Variants in TRABD2B observed in about 807,000 individuals in gnomAD.
TRABD2B encodes TraB domain containing 2B.
TRABD2B carries 14 observed loss-of-function variants against 40.1 expected under a neutral mutation model. The ratio of observed to expected loss-of-function variants is 0.35; its 90% CI spans 0.23 to 0.55. The LOEUF (loss-of-function observed/expected upper bound fraction) is 0.55, where lower values mean the gene tolerates loss of function less well. TRABD2B is among the 20% of genes least tolerant of loss of function. TRABD2B has a pLI of 0.90. For synonymous variants in TRABD2B, 263 were observed against 277.0 expected, an observed-to-expected ratio of 0.95 and a Z score of 0.50; for missense variants, 541 against 648.6, an observed-to-expected ratio of 0.83 and a Z score of 1.80.
At chr1:47,908,395 C>A (rs1450191461) in intron 2 of TRABD2B, among the ~76,000 whole-genome samples, 2 of 152,084 alleles carry the variant, frequency 1.3e-5, no homozygotes. Flanking sequence ...ATTTTGCAAT[C>A]AGATAATTGA....
At chr1:47,874,735 T>C (rs939391769) in intron 2 of TRABD2B, among the ~76,000 whole-genome samples, 2 of 148,038 alleles carry the variant, frequency 1.4e-5, no homozygotes, top group Non-Finnish European at 3.0e-5. Flanking sequence ...GCCTGGCTAA[T>C]ATATATATAT....
At chr1:47,938,951 CAGAG>C (rs1645150077) in intron 2 of TRABD2B, among the ~76,000 whole-genome samples, 2 of 151,682 alleles carry the variant, frequency 1.3e-5, no homozygotes, top group South Asian at 2.1e-4. Context: ...GAGACAGAGA[CAGAG>C]ACAGAGAGGG....
At chr1:47,872,936 A>G (rs1251406021) in intron 2 of TRABD2B, among the ~76,000 whole-genome samples, 1 of 152,110 alleles carries the variant, frequency 6.6e-6, no homozygotes, top group Non-Finnish European at 1.5e-5. Flanking sequence ...AAATTTATAA[A>G]CAATAGGATT....
rs1226259473 is a variant in TRABD2B at position 47,779,449 on chromosome 1, C to T, written c.989-905G>A. Among the ~76,000 whole-genome samples the T allele has an allele frequency of 5.3e-5, 8 of 152,292 alleles. No individual in the cohort carries two copies. In the East Asian group the frequency reaches 1.5e-3, roughly 29 times the overall value. On this transcript the variant is annotated intron_variant, in intron 4 of 6. Transcript: ENST00000606738. ...TCTGTGGTCAGTTCTGCACTAGGAA[C>T]GATGAATACAGAAATGGGCAATTTA...
At chr1:47,853,782 T>G (rs1643864107) in intron 2 of TRABD2B, among the ~76,000 whole-genome samples, 1 of 152,226 alleles carries the variant, frequency 6.6e-6, no homozygotes, top group Non-Finnish European at 1.5e-5. Context: ...TAAGCCCCTC[T>G]GGCCTAGAAA....
intron 2 of TRABD2B, among the ~76,000 whole-genome samples, chr1:47,957,250 G>A (rs1570364771): frequency 6.6e-6 from 1 of 152,164 alleles, no homozygotes; most frequent in Non-Finnish European, 1.5e-5. Context: ...TCACAAAGAT[G>A]GGGAGAAACC....
chr1:47,791,693 C>T (rs191768547), intron 4 of TRABD2B, among the ~76,000 whole-genome samples: 6 of 152,142 alleles, frequency 3.9e-5, no homozygotes, highest in African/African-American at 9.7e-5. Context: ...CAGCTCTGCA[C>T]GTAAGTCAGC....
intron 2 of TRABD2B, among the ~76,000 whole-genome samples, chr1:47,894,422 G>A (rs1644490103): frequency 6.6e-6 from 1 of 152,182 alleles, no homozygotes; most frequent in Non-Finnish European, 1.5e-5. Flanking sequence ...TATTCTTATA[G>A]CAGTGAACAC....
intron 4 of TRABD2B, among the ~76,000 whole-genome samples, chr1:47,789,909 A>G (rs1197554470): frequency 2.0e-5 from 3 of 151,390 alleles, no homozygotes; most frequent in Non-Finnish European, 2.9e-5. Flanking sequence ...TCTCTTCCTC[A>G]TATTTCAAGC....
At chr1:47,824,716 T>A (rs1645152745) in intron 2 of TRABD2B, among the ~76,000 whole-genome samples, 1 of 152,256 alleles carries the variant, frequency 6.6e-6, no homozygotes, top group Non-Finnish European at 1.5e-5. Context: ...GAGGGTGACA[T>A]TCGAGGCTCC....
chr1:47,950,852 A>G (rs1199198752), intron 2 of TRABD2B, among the ~76,000 whole-genome samples: 1 of 152,208 alleles, frequency 6.6e-6, no homozygotes, highest in Non-Finnish European at 1.5e-5. Context: ...TTTTATCTGC[A>G]AAAAGGCAAT....
intron 2 of TRABD2B, among the ~76,000 whole-genome samples, chr1:47,896,247 G>A (rs764291030): frequency 1.3e-5 from 2 of 152,360 alleles, no homozygotes; most frequent in South Asian, 2.1e-4. Flanking sequence ...GGAAGCCAGC[G>A]GAGGCTTGGC....
intron 2 of TRABD2B, among the ~76,000 whole-genome samples, chr1:47,976,543 C>T (rs1344651364): frequency 6.6e-6 from 1 of 152,114 alleles, no homozygotes; most frequent in African/African-American, 2.4e-5. Flanking sequence ...ATGGAGCTAG[C>T]ATTGTAGTGA....
chr1:47,964,395 T>A (rs1645567416), intron 2 of TRABD2B, among the ~76,000 whole-genome samples: 1 of 152,160 alleles, frequency 6.6e-6, no homozygotes, highest in Non-Finnish European at 1.5e-5. Flanking sequence ...GAGCACAAAC[T>A]TCATTAAGAA....
chr1:47,932,883 C>T (rs138836758), intron 2 of TRABD2B, among the ~76,000 whole-genome samples: 14 of 152,282 alleles, frequency 9.2e-5, no homozygotes, highest in African/African-American at 3.1e-4. Flanking sequence ...GTTCAAAGAA[C>T]GGGTGGCTCT....
chr1:47,890,874 G>C (rs955144831), intron 2 of TRABD2B, among the ~76,000 whole-genome samples: 2 of 152,260 alleles, frequency 1.3e-5, no homozygotes, highest in Non-Finnish European at 2.9e-5. Context: ...GTAGGTTGCT[G>C]TATTAAGGAC....
intron 1 of TRABD2B, among the ~76,000 whole-genome samples, chr1:47,995,098 A>G (rs1448452226): frequency 6.6e-6 from 1 of 152,170 alleles, no homozygotes; most frequent in Non-Finnish European, 1.5e-5. Flanking sequence ...CTCTGGCAAG[A>G]AGGGAGGAAG....
intron 2 of TRABD2B, among the ~76,000 whole-genome samples, chr1:47,851,836 C>A (rs146484930): frequency 6.6e-6 from 1 of 152,120 alleles, no homozygotes; most frequent in African/African-American, 2.4e-5. Flanking sequence ...ATTTTATTGG[C>A]GAGGAACCCT....
intron 2 of TRABD2B, among the ~76,000 whole-genome samples, chr1:47,863,044 A>G (rs1382096683): frequency 6.6e-6 from 1 of 152,022 alleles, no homozygotes; most frequent in African/African-American, 2.4e-5. Context: ...CAGACCTTAC[A>G]CTCTTCACAA....
Sources: allele counts gnomAD v4.1 joint callset (sites outside exome capture counted in the v4.1 genomes callset), GRCh38; gene constraint gnomAD v4.1.1; transcripts MANE v1.5; gene names NCBI Gene and HGNC (gene_info 2026-07-23, HGNC 2026-07-21).